The following CNTNAP2 variants were observed in gnomAD, a reference collection of about 807,000 sequenced individuals.
CNTNAP2 encodes contactin associated protein 2.
Under a neutral mutation model 155.2 loss-of-function variants are expected in CNTNAP2, and 98 were observed. The ratio of observed to expected loss-of-function variants is 0.63; its 90% CI spans 0.54 to 0.75. The LOEUF (loss-of-function observed/expected upper bound fraction) is 0.75. Ranked by LOEUF, CNTNAP2 falls within the 30% of genes least tolerant of loss-of-function variation. The probability of loss-of-function intolerance (pLI) is 0.00; values close to 1 mark genes in which losing one functional copy is unlikely to be tolerated. For synonymous variants in CNTNAP2, 651 were observed against 631.2 expected, an observed-to-expected ratio of 1.03 and a Z score of -0.47; for missense variants, 1,727 against 1,688.1, an observed-to-expected ratio of 1.02 and a Z score of -0.40.
chr7:148,243,891 A>G (rs150242775), intron 20 of CNTNAP2, among the ~76,000 whole-genome samples: 6 of 152,384 alleles, frequency 3.9e-5, no homozygotes, highest in African/African-American at 1.4e-4. Flanking sequence ...ACAACCCACA[A>G]GCAGTCTTTT....
intron 13 of CNTNAP2, among the ~76,000 whole-genome samples, chr7:147,795,618 C>T (rs1231316433): frequency 1.3e-5 from 2 of 152,172 alleles, no homozygotes; most frequent in East Asian, 1.9e-4. Context: ...TACTTTTCTA[C>T]CCCCATAGTA....
chr7:146,928,891 C>A (rs983292241), intron 3 of CNTNAP2, among the ~76,000 whole-genome samples: 1 of 152,190 alleles, frequency 6.6e-6, no homozygotes, highest in African/African-American at 2.4e-5. Flanking sequence ...GGGAGGGGCG[C>A]CTGCCATTGC....
At chr7:147,251,487 T>C (rs117516040) in intron 8 of CNTNAP2, among the ~76,000 whole-genome samples, 1 of 152,346 alleles carries the variant, frequency 6.6e-6, no homozygotes, top group East Asian at 1.9e-4. Context: ...CAATATTGTC[T>C]GACCTGTGGA....
intron 8 of CNTNAP2, among the ~76,000 whole-genome samples, chr7:147,272,460 A>G (rs1463759299): frequency 6.6e-6 from 1 of 152,084 alleles, no homozygotes; most frequent in Non-Finnish European, 1.5e-5. Context: ...ACGTTACTGT[A>G]TCTCTACCTT....
At chr7:147,927,346 A>C (rs940620984) in intron 14 of CNTNAP2, among the ~76,000 whole-genome samples, 1 of 152,234 alleles carries the variant, frequency 6.6e-6, no homozygotes, top group Non-Finnish European at 1.5e-5. Flanking sequence ...ATTCATTGAA[A>C]TACTTTCAGT....
At chr7:147,764,296 A>G (rs1393769987) in intron 13 of CNTNAP2, among the ~76,000 whole-genome samples, 2 of 151,916 alleles carry the variant, frequency 1.3e-5, no homozygotes, top group African/African-American at 4.8e-5. Flanking sequence ...TGGCTATTCT[A>G]TTACTCCAAC....
intron 8 of CNTNAP2, among the ~76,000 whole-genome samples, chr7:147,291,282 C>G (rs146045898): frequency 1.6e-3 from 239 of 152,242 alleles, no homozygotes; most frequent in Middle Eastern, 6.8e-3. Flanking sequence ...TTAAGCCCCA[C>G]ATGCATGAGG....
chr7:147,799,476 A>G (rs1797953291), intron 13 of CNTNAP2, among the ~76,000 whole-genome samples: 1 of 152,192 alleles, frequency 6.6e-6, no homozygotes, highest in Non-Finnish European at 1.5e-5. Flanking sequence ...CCAATGTGAT[A>G]TGGGAAGTAA....
intron 1 of CNTNAP2, among the ~76,000 whole-genome samples, chr7:146,199,225 G>GA (rs2116864050): frequency 6.6e-6 from 1 of 152,272 alleles, no homozygotes; most frequent in African/African-American, 2.4e-5. Context: ...TCCAGCAAAT[G>GA]GAGTGGATGT....
chr7:147,951,929 A>T (rs909390424), intron 14 of CNTNAP2, among the ~76,000 whole-genome samples: 5 of 152,084 alleles, frequency 3.3e-5, no homozygotes, highest in Admixed American at 2.6e-4. Flanking sequence ...CGGAACTTAA[A>T]GTAAAATTAA....
intron 15 of CNTNAP2, among the ~76,000 whole-genome samples, chr7:148,091,018 G>C (rs1347080429): frequency 1.3e-5 from 2 of 152,116 alleles, no homozygotes; most frequent in Non-Finnish European, 2.9e-5. Flanking sequence ...GGGTAAAAAA[G>C]TTGAAGTAAT....
At chr7:147,954,163 G>C (rs752922295) in intron 14 of CNTNAP2, among the ~76,000 whole-genome samples, 6 of 152,106 alleles carry the variant, frequency 3.9e-5, no homozygotes, top group Non-Finnish European at 7.3e-5. Flanking sequence ...ACTATGGAGA[G>C]ACGCATAAAT....
At chr7:147,102,402 A>G (rs1249026804) in intron 4 of CNTNAP2, among the ~76,000 whole-genome samples, 1 of 152,016 alleles carries the variant, frequency 6.6e-6, no homozygotes, top group African/African-American at 2.4e-5. Context: ...AGGTAGAGTG[A>G]GATGTGCCTG....
intron 12 of CNTNAP2, among the ~76,000 whole-genome samples, chr7:147,581,729 A>G (rs989552138): frequency 2.0e-5 from 3 of 152,222 alleles, no homozygotes; most frequent in African/African-American, 4.8e-5. Flanking sequence ...AGCAGTAACA[A>G]CATGTACTCG....
chr7:146,775,002 C>G (rs1044074386), intron 2 of CNTNAP2, among the ~76,000 whole-genome samples: 5 of 152,182 alleles, frequency 3.3e-5, no homozygotes, highest in African/African-American at 1.2e-4. Context: ...AGGCAAAAAA[C>G]TCTTTTGCTT....
At chr7:146,587,394 G>A (rs1264150612) in intron 1 of CNTNAP2, among the ~76,000 whole-genome samples, 1 of 152,162 alleles carries the variant, frequency 6.6e-6, no homozygotes, top group Non-Finnish European at 1.5e-5. Flanking sequence ...GTGAGGAACT[G>A]AGGAGTGGGG....
rs1296339789 is a variant in CNTNAP2, at chr7:146,766,461, CT to C, written c.98-7809del. ...TTTGACAATTTCAATATTATTAGGTCTGTGTAGCCCAGTGCAACATATATGA... is the reference window on the plus strand; with the variant it reads ...TTTGACAATTTCAATATTATTAGGTCGTGTAGCCCAGTGCAACATATATGA... On this transcript the variant is annotated intron_variant, in intron 1 of 23. Coordinates refer to ENST00000361727, the MANE Select transcript of CNTNAP2 (RefSeq NM_014141.6). Among the ~76,000 whole-genome samples, 6 of 152,254 alleles carry C rather than the reference CT, an allele frequency of 3.9e-5. No individual in the cohort carries two copies. In the East Asian group the frequency reaches 9.7e-4, roughly 25 times the overall value.
chr7:147,374,492 T>C (rs529215813), intron 9 of CNTNAP2, among the ~76,000 whole-genome samples: 3 of 152,234 alleles, frequency 2.0e-5, no homozygotes, highest in African/African-American at 4.8e-5. Context: ...GAACCAAGGC[T>C]TCTGAATCAT....
At chr7:148,267,704 G>A (rs917756707) in intron 21 of CNTNAP2, among the ~76,000 whole-genome samples, 2 of 151,428 alleles carry the variant, frequency 1.3e-5, no homozygotes, top group Non-Finnish European at 2.9e-5. Context: ...CATTGTGATT[G>A]GTAATGGGGG....
Sources: gnomAD v4.1 joint callset for allele counts (sites outside exome capture counted in the v4.1 genomes callset) on GRCh38, gnomAD v4.1.1 for gene constraint, MANE v1.5 for transcripts, NCBI Gene and HGNC (gene_info 2026-07-23, HGNC 2026-07-21) for gene names.